Variants in CALCR observed in about 807,000 individuals in gnomAD.
CALCR encodes the protein calcitonin receptor.
A neutral mutation model predicts 59.5 loss-of-function variants in CALCR; 47 were observed. That is an observed-to-expected ratio of 0.79 (90% CI 0.63 to 1.01). CALCR has a LOEUF of 1.01. Ranked by LOEUF, CALCR falls within the 50% of genes least tolerant of loss-of-function variation. The pLI, the probability that CALCR is intolerant of heterozygous loss-of-function variation, is 0.00. For synonymous variants in CALCR, 213 were observed against 211.3 expected, an observed-to-expected ratio of 1.01 and a Z score of -0.07; for missense variants, 566 against 597.1, an observed-to-expected ratio of 0.95 and a Z score of 0.54.
At chr7:93,549,621 C>T (rs1323333251) in intron 2 of CALCR, among the ~76,000 whole-genome samples, 1 of 152,088 alleles carries the variant, frequency 6.6e-6, no homozygotes, top group Non-Finnish European at 1.5e-5. Flanking sequence ...ATGAAAACAT[C>T]AAAGCAAAAA....
At chr7:93,465,046 G>C (rs1800411951) in intron 7 of CALCR, among the ~76,000 whole-genome samples, 1 of 151,876 alleles carries the variant, frequency 6.6e-6, no homozygotes, top group Non-Finnish European at 1.5e-5. Context: ...GAGACCATCT[G>C]TTTTCCAACC....
At chr7:93,553,655 G>T (rs1458469586) in intron 2 of CALCR, among the ~76,000 whole-genome samples, 1 of 152,078 alleles carries the variant, frequency 6.6e-6, no homozygotes, top group Non-Finnish European at 1.5e-5. Context: ...GGAAAATGGG[G>T]CTAATAACAG....
At chr7:93,573,736 T>C (rs1307540233) in intron 2 of CALCR, among the ~76,000 whole-genome samples, 2 of 152,214 alleles carry the variant, frequency 1.3e-5, no homozygotes, top group African/African-American at 4.8e-5. Context: ...TTTTGGAAAC[T>C]ATGCACACAA....
At chr7:93,556,132 A>T (rs1789599215) in intron 2 of CALCR, among the ~76,000 whole-genome samples, 1 of 152,054 alleles carries the variant, frequency 6.6e-6, no homozygotes, top group Admixed American at 6.6e-5. Flanking sequence ...GGATACTTGA[A>T]TTTTTTTCTC....
At chr7:93,568,949 A>G (rs1041059546) in intron 2 of CALCR, among the ~76,000 whole-genome samples, 20 of 152,160 alleles carry the variant, frequency 1.3e-4, no homozygotes, top group African/African-American at 4.8e-4. Context: ...GACTTGGTGA[A>G]TGACATCACA....
intron 2 of CALCR, among the ~76,000 whole-genome samples, chr7:93,552,610 T>TTTA (rs1409656537): frequency 6.6e-6 from 1 of 152,206 alleles, no homozygotes; most frequent in Non-Finnish European, 1.5e-5. Flanking sequence ...ATATAAAACC[T>TTTA]TTATATTAAA....
intron 13 of CALCR, among the ~76,000 whole-genome samples, chr7:93,431,638 TA>T (rs1176234151): frequency 2.0e-5 from 3 of 152,222 alleles, no homozygotes; most frequent in African/African-American, 7.2e-5. Flanking sequence ...ATATTTTCTA[TA>T]AAGAGACTGC....
chr7:93,467,023 A>C (rs1226028608), intron 7 of CALCR, among the ~76,000 whole-genome samples: 3 of 141,006 alleles, frequency 2.1e-5, no homozygotes, highest in African/African-American at 5.0e-5. Context: ...GCATGATTAC[A>C]AATTTGGGGA....
At chr7:93,440,301 C>T (rs1799873037) in intron 9 of CALCR, among the ~76,000 whole-genome samples, 1 of 151,942 alleles carries the variant, frequency 6.6e-6, no homozygotes, top group Non-Finnish European at 1.5e-5. Context: ...AAAATATTAT[C>T]CAGAAGAGAC....
intron 7 of CALCR, among the ~76,000 whole-genome samples, chr7:93,463,764 G>A (rs1800387649): frequency 6.6e-6 from 1 of 151,978 alleles, no homozygotes; most frequent in South Asian, 2.1e-4. Flanking sequence ...TCGCTTAAAT[G>A]AACATGAGAG....
At chr7:93,473,119 A>G (rs1317219392) in intron 5 of CALCR, among the ~76,000 whole-genome samples, 1 of 151,788 alleles carries the variant, frequency 6.6e-6, no homozygotes, top group Non-Finnish European at 1.5e-5. Flanking sequence ...ATAGGGATCC[A>G]GGCTTCAGCC....
At chr7:93,469,497 T>C (rs983065638) in intron 6 of CALCR, among the ~76,000 whole-genome samples, 9 of 151,712 alleles carry the variant, frequency 5.9e-5, no homozygotes, top group South Asian at 4.1e-4. Context: ...AAAATAGAGA[T>C]TGATCCAGTC....
At chr7:93,512,844 C>T (rs762840875) in intron 2 of CALCR, among the ~76,000 whole-genome samples, 3 of 152,068 alleles carry the variant, frequency 2.0e-5, no homozygotes, top group Non-Finnish European at 4.4e-5. Flanking sequence ...CTAAATAGCA[C>T]TCATAAAATT....
chr7:93,491,963 G>T (rs1801087921), intron 2 of CALCR, among the ~76,000 whole-genome samples: 2 of 151,850 alleles, frequency 1.3e-5, no homozygotes, highest in African/African-American at 4.8e-5. Context: ...TATGTTTATT[G>T]CAGCACTATT....
At chr7:93,466,385 T>C (rs1800441081) in intron 7 of CALCR, among the ~76,000 whole-genome samples, 1 of 151,934 alleles carries the variant, frequency 6.6e-6, no homozygotes, top group Admixed American at 6.6e-5. Flanking sequence ...GTTTCTGAAA[T>C]TCAAATATAA....
At chr7:93,511,836 A>T (rs546943569) in intron 2 of CALCR, among the ~76,000 whole-genome samples, 2 of 152,310 alleles carry the variant, frequency 1.3e-5, no homozygotes, top group South Asian at 2.1e-4. Context: ...AAAAAGTCCT[A>T]TATCTGAAAT....
At chr7:93,531,883 A>G (rs1788849321) in intron 2 of CALCR, among the ~76,000 whole-genome samples, 1 of 152,134 alleles carries the variant, frequency 6.6e-6, no homozygotes, top group African/African-American at 2.4e-5. Context: ...GAATTATCAT[A>G]AAGGTTTTTT....
intron 2 of CALCR, among the ~76,000 whole-genome samples, chr7:93,491,887 A>G (rs1023572209): frequency 6.6e-6 from 1 of 151,848 alleles, no homozygotes; most frequent in Non-Finnish European, 1.5e-5. Context: ...TTGACCCAGC[A>G]ATCCCATTAC....
chr7:93,495,077 A>G (rs1269670011), intron 2 of CALCR, among the ~76,000 whole-genome samples: 1 of 151,378 alleles, frequency 6.6e-6, no homozygotes, highest in African/African-American at 2.4e-5. Flanking sequence ...CTTCAGGAGA[A>G]TAGCTGACCT....
Sources: gnomAD v4.1 joint callset for allele counts (sites outside exome capture counted in the v4.1 genomes callset) on GRCh38, gnomAD v4.1.1 for gene constraint, MANE v1.5 for transcripts, NCBI Gene and HGNC (gene_info 2026-07-23, HGNC 2026-07-21) for gene names.